PRDM7: variants seen among roughly 807,000 people sequenced by gnomAD.
The protein encoded by PRDM7 is histone-lysine N-methyltransferase PRDM7.
In PRDM7, 52 loss-of-function variants were observed where a neutral mutation model predicts 64.3. The observed-to-expected ratio is 0.81, with a 90% CI of 0.65 to 1.02. The LOEUF (loss-of-function observed/expected upper bound fraction) is 1.02. Ranked by LOEUF, PRDM7 falls within the 50% of genes least tolerant of loss-of-function variation. PRDM7 has a pLI of 0.00. For synonymous variants in PRDM7, 192 were observed against 210.1 expected (o/e 0.91, Z 0.74); for missense variants, 574 against 597.1 (o/e 0.96, Z 0.40).
chr16:90,060,718 C>T, intron 9 of PRDM7, 95 bp from the exon 10 acceptor site: 1 of 1,553,184 alleles, frequency 6.4e-7, no homozygotes, highest in East Asian at 2.2e-5. Flanking sequence ...TGCTTCCCTG[C>T]TGTGCCTAAT....
intron 8 of PRDM7, 87 bp from the exon 9 acceptor site, chr16:90,061,606 A>T: frequency 6.8e-7 from 1 of 1,468,934 alleles, no homozygotes; most frequent in Non-Finnish European, 9.5e-7. Context: ...TGGCCTTTGG[A>T]CCTGCAGAGC....
rs2037755360 is a variant in PRDM7 at position 90,060,491 on chromosome 16, A to G, written c.1083T>C (p.Tyr361=). The part of the protein sequence containing the change: ...CELLVWSGDE[Y]GQELGIRSSI... ...AAGATCTGATGCCCAGTTCCTGGCC[A>G]TACTCATCCCCAGACCAGACCAGCA... is the stretch of plus-strand genomic sequence containing the variant. Residue 361 remains tyrosine (Y), a synonymous_variant, in exon 10 of 11, where the codon TAT becomes TAC. Coordinates refer to ENST00000449207, the MANE Select transcript of PRDM7 (RefSeq NM_001098173.2). 1.9e-6 allele frequency: 3 copies of G among 1,613,618 alleles called. No homozygotes were observed. Among genetic ancestry groups the G allele is most frequent in the East Asian group, 4.5e-5 (2 of 44,848 alleles).
intron 5 of PRDM7, among the ~76,000 whole-genome samples, chr16:90,066,181 C>T (rs2037869743): frequency 6.6e-6 from 1 of 151,308 alleles, no homozygotes; most frequent in African/African-American, 2.5e-5. Flanking sequence ...TCTCAATCTT[C>T]GAACCTGAAA....
chr16:90,072,653 T>C (rs1278882847), intron 4 of PRDM7, among the ~76,000 whole-genome samples: 1 of 152,230 alleles, frequency 6.6e-6, no homozygotes, highest in African/African-American at 2.4e-5. Context: ...TAGGGATCTA[T>C]TGCACAACAG....
At chr16:90,061,411 A>G (rs755036588) in intron 9 of PRDM7, 41 bp downstream of exon 9, 9 of 1,535,438 alleles carry the variant, frequency 5.9e-6, no homozygotes, top group Middle Eastern at 1.7e-4. Context: ...TTTGTGAGAG[A>G]TGGAGGTTCT....
Position 90,075,395 on chromosome 16 carries a change from CG to C in PRDM7, c.148del (p.Arg50AlafsTer5), listed in dbSNP as rs2038021488. 6.2e-7 allele frequency: 1 copy of C among 1,614,076 alleles called. No individual in the cohort carries two copies. The highest frequency in any genetic ancestry group is 8.5e-7 in the Non-Finnish European group (1 of 1,180,052). ...ATAGTTCATTTTCACATTCCTATAG[CG>C]AGTTTTCTCCCAGTCTCCCATTTCT... ...WAEMGDWEKT[R>X]YRNVKMNYNA... On this transcript the variant is annotated frameshift_variant, in exon 3 of 11. Transcript: ENST00000449207. LOFTEE classifies it high-confidence loss of function. The surrounding 1 kb of genome is among the most constrained non-coding windows in gnomAD (Gnocchi z 4.3).
intron 4 of PRDM7, 67 bp from the exon 5 acceptor site, chr16:90,066,977 CT>C: frequency 7.2e-7 from 1 of 1,381,394 alleles, no homozygotes; most frequent in Non-Finnish European, 1.0e-6. Flanking sequence ...ATTTTTTTTT[CT>C]TTTTGATATG....
At chr16:90,069,681 A>AGGAT (rs1165689872) in intron 4 of PRDM7, among the ~76,000 whole-genome samples, 1 of 151,196 alleles carries the variant, frequency 6.6e-6, no homozygotes, top group Non-Finnish European at 1.5e-5. Context: ...CTGAGGTGGG[A>AGGAT]GGATCACTTG....
rs1358969196 is a variant in PRDM7 at position 90,062,105 on chromosome 16, C to T, written c.698G>A (p.Gly233Glu). 1 of 1,614,250 alleles carries T rather than the reference C, an allele frequency of 6.2e-7. No homozygotes were observed. The highest frequency in any genetic ancestry group is 1.7e-5 in the Admixed American group (1 of 60,030). ...TFVKDSAVDK[G>E]HPNRSALSLP... is the part of the protein sequence containing the mutation. Reference sequence around the variant, plus strand: ...ACTGAGGGCTGAACGGTTGGGATGCCCCTTGTCCACTGCACTGTCCTTTAC... The same window carrying T: ...ACTGAGGGCTGAACGGTTGGGATGCTCCTTGTCCACTGCACTGTCCTTTAC... Residue 233 changes from glycine (G) to glutamate (E), a missense_variant, in exon 8 of 11, where the codon GGG becomes GAG. By Grantham distance (98) the Gly-to-Glu change is moderately conservative. Transcript: ENST00000449207.
Position 90,061,929 on chromosome 16 carries a change from A to T in PRDM7, c.874T>A (p.Ser292Thr), listed in dbSNP as rs140587900. The stretch of plus-strand genomic sequence containing the variant: ...CAGCAGGCTCTTCTTACTAGCCAGG[A>T]ATATCCACTGTTGGCTGCCTCTTCG... ...EDEEAANSGY[S>T]WLITKGRNCY... The change falls in exon 8 of 11, where the codon TCC (serine) becomes ACC (threonine). Residue 292 changes from serine to threonine, a missense_variant. By Grantham distance (58) the Ser-to-Thr change is moderately conservative. Transcript: ENST00000449207. The T allele has an allele frequency of 2.8e-4, 444 of 1,614,276 alleles. 2 individuals carry two copies. The African/African-American group carries it at 5.4e-3, about 20-fold the overall frequency.
intron 9 of PRDM7, 28 bp downstream of exon 9, chr16:90,061,424 C>G: frequency 6.4e-7 from 1 of 1,555,006 alleles, no homozygotes; most frequent in South Asian, 1.1e-5. Flanking sequence ...GAGGTTCTCT[C>G]TGAAACTAAG....
chr16:90,062,038 C>T lies in PRDM7; in HGVS notation c.765G>A (p.Gln255=). The T allele has an allele frequency of 6.2e-7, 1 of 1,614,262 alleles. No individual in the cohort carries two copies. The highest frequency in any genetic ancestry group is 8.5e-7 in the Non-Finnish European group (1 of 1,180,040). The change falls in exon 8 of 11, where the codon CAG becomes CAA. Residue 255 remains glutamine, a synonymous_variant. Coordinates refer to ENST00000449207, the MANE Select transcript of PRDM7 (RefSeq NM_001098173.2). ...CCTCGTTCCATACTCCAAGCCCAGCCTGAGGGATGCCTGATGGCCCAATTC... is the reference window on the plus strand; with the variant it reads ...CCTCGTTCCATACTCCAAGCCCAGCTTGAGGGATGCCTGATGGCCCAATTC... ...GLRIGPSGIP[Q]AGLGVWNEAS... is the part of the protein sequence containing the mutation.
chr16:90,063,174 G>A (rs1390194086), intron 6 of PRDM7, among the ~76,000 whole-genome samples: 3 of 152,164 alleles, frequency 2.0e-5, no homozygotes, highest in African/African-American at 7.2e-5. Flanking sequence ...GGCTAGGCAT[G>A]GTGGCTCAAG....
rs1446572407 is a variant in PRDM7, at chr16:90,057,625, A to T, written c.*664T>A. On this transcript the variant is annotated 3_prime_UTR_variant, in exon 11 of 11. Transcript: ENST00000449207. Reference sequence around the variant, plus strand: ...AACCACACATGTTGACGTCCCCCGAACACTTACAGAACTATCCCCTGTTCT... The same window carrying T: ...AACCACACATGTTGACGTCCCCCGATCACTTACAGAACTATCCCCTGTTCT... The T allele has an allele frequency of 5.2e-6, 5 of 957,010 alleles. No individual in the cohort carries two copies. Among genetic ancestry groups the T allele is most frequent in the African/African-American group, 3.4e-5 (2 of 58,098 alleles). The allele number at this position is 957,010 out of a possible 1,614,324, so 59.3% of individuals were successfully genotyped here.
In PRDM7 at chr16:90,058,244, G is replaced by T; in HGVS notation, c.*45C>A. The T allele has an allele frequency of 6.2e-7, 1 of 1,614,024 alleles. No individual in the cohort carries two copies. The highest frequency in any genetic ancestry group is 1.1e-5 in the South Asian group (1 of 91,076). On this transcript the variant is annotated 3_prime_UTR_variant, in exon 11 of 11. Transcript: ENST00000449207. ...GAGCTCCCCATTTGTCCTTTGGGTG[G>T]GCTAGAAAAGGCCCTTGAAATCTCC...
chr16:90,071,636 C>T (rs2037957862), intron 4 of PRDM7, among the ~76,000 whole-genome samples: 1 of 152,122 alleles, frequency 6.6e-6, no homozygotes, highest in African/African-American at 2.4e-5. Context: ...CAATAACTAA[C>T]CCACTCCTGT....
intron 5 of PRDM7, 112 bp downstream of exon 5, chr16:90,066,749 A>G: frequency 1.1e-6 from 1 of 951,892 alleles, no homozygotes; most frequent in African/African-American, 1.7e-5. Flanking sequence ...CGCTAAAGAG[A>G]TCAGGAGAGG....
chr16:90,070,646 C>T lies in PRDM7; in HGVS notation c.302-3736G>A, dbSNP rs147180376. Among the ~76,000 whole-genome samples, 48 of 145,652 alleles carry T rather than the reference C, an allele frequency of 3.3e-4. 2 individuals are homozygous for T. Among genetic ancestry groups the T allele is most frequent in the African/African-American group, 1.2e-3 (45 of 36,676 alleles). ...AGGAAGAGAGAAATTTCTTCTCCTT[C>T]CTGCTGTTGGCACACAAATAATTCA... On this transcript the variant is annotated intron_variant, in intron 4 of 10. Coordinates refer to ENST00000449207, the MANE Select transcript of PRDM7 (RefSeq NM_001098173.2).
In PRDM7 at chr16:90,075,028, A is replaced by G. The variant is rs377617777; in HGVS notation, c.194-5T>C. 275 of 1,614,142 alleles carry G rather than the reference A, an allele frequency of 1.7e-4. 1 individual carries two copies. Among genetic ancestry groups the G allele is most frequent in the Middle Eastern group, 3.3e-4 (2 of 6,062 alleles). On this transcript the variant is annotated splice_region_variant and splice_polypyrimidine_tract_variant and intron_variant, in intron 3 of 10. Coordinates refer to ENST00000449207, the MANE Select transcript of PRDM7 (RefSeq NM_001098173.2). The surrounding 1 kb of genome is among the most constrained non-coding windows in gnomAD (Gnocchi z 4.3). ...CTGGTCGAGTGGCTCTGAGACCTGAAAAGAAGCAAAAAATTTTGCTCTGAA... is the reference window on the plus strand; with the variant it reads ...CTGGTCGAGTGGCTCTGAGACCTGAGAAGAAGCAAAAAATTTTGCTCTGAA...
Sources: allele counts gnomAD v4.1 joint callset (sites outside exome capture counted in the v4.1 genomes callset), GRCh38; gene constraint gnomAD v4.1.1; non-coding constraint Gnocchi (gnomAD v3.1); transcripts MANE v1.5; gene names NCBI Gene and HGNC (gene_info 2026-07-23, HGNC 2026-07-21).